Variants in DCPS observed in about 807,000 individuals in gnomAD.
DCPS encodes m7GpppX diphosphatase.
DCPS carries 27 observed loss-of-function variants against 34.7 expected under a neutral mutation model. That is an observed-to-expected ratio of 0.78 (90% CI 0.57 to 1.07). DCPS has a LOEUF of 1.07. Among genes scored for constraint, DCPS ranks in the 50% least tolerant of loss-of-function variants. DCPS has a pLI of 0.00. For synonymous variants in DCPS, 185 were observed against 185.7 expected, an observed-to-expected ratio of 1.00 and a Z score of 0.03; for missense variants, 464 against 436.9, an observed-to-expected ratio of 1.06 and a Z score of -0.55.
intron 2 of DCPS, among the ~76,000 whole-genome samples, chr11:126,321,580 C>T (rs1429935399): frequency 6.6e-6 from 1 of 152,114 alleles, no homozygotes; most frequent in Admixed American, 6.6e-5. Context: ...CACGAAGCTC[C>T]AGGTGACCAC....
At chr11:126,341,522 T>C (rs1951875792) in intron 4 of DCPS, 1 of 152,272 alleles carries the variant, frequency 6.6e-6, no homozygotes, top group Non-Finnish European at 1.5e-5. Flanking sequence ...CCAGGCTCCA[T>C]GCCCTATTCT....
chr11:126,310,591 A>G (rs1951611961), intron 2 of DCPS, among the ~76,000 whole-genome samples: 3 of 152,338 alleles, frequency 2.0e-5, no homozygotes, highest in Non-Finnish European at 4.4e-5. Context: ...GGTGCTTTCA[A>G]TAAGTGAAGA....
In DCPS at chr11:126,344,300, G is replaced by C. The variant is rs190444748; in HGVS notation, c.747+883G>C. On this transcript the variant is annotated intron_variant, in intron 5 of 5. Coordinates refer to ENST00000263579, the MANE Select transcript of DCPS (RefSeq NM_014026.6). This position sits in a 1 kb window ranked among gnomAD's most constrained non-coding sequence, Gnocchi z 8.1. ...CTATCTTCCCTCCTGCTCACCCACG[G>C]CACCACCCCTTGGCTGCCTTTATCT... 2.6e-5 allele frequency among the ~76,000 whole-genome samples: 4 copies of C among 152,282 alleles called. No homozygotes were observed. In the South Asian group the frequency reaches 6.2e-4, roughly 24 times the overall value.
In DCPS at chr11:126,338,384, G is replaced by C; in HGVS notation, c.621G>C (p.Lys207Asn). ...SDGFVLIPDLKWNQQQLDDLY... is the reference protein window; with the variant it reads ...SDGFVLIPDLNWNQQQLDDLY... ...GTTTTGTCCTCATCCCTGACCTCAA[G>C]TGGAACCAACAGCAGGTAAAGGTTT... Residue 207 changes from lysine to asparagine, a missense_variant, in exon 4 of 6, where the codon AAG becomes AAC. Physicochemically the swap from Lys to Asn is moderately conservative, Grantham distance 94 (BLOSUM62 0). Coordinates refer to ENST00000263579, the MANE Select transcript of DCPS (RefSeq NM_014026.6). The surrounding 1 kb of genome is among the most constrained non-coding windows in gnomAD (Gnocchi z 5.4). The C allele has an allele frequency of 6.2e-7, 1 of 1,614,176 alleles. No individual in the cohort carries two copies. The highest frequency in any genetic ancestry group is 8.5e-7 in the Non-Finnish European group (1 of 1,180,028).
chr11:126,310,842 C>G (rs1951613979), intron 2 of DCPS, among the ~76,000 whole-genome samples: 2 of 152,232 alleles, frequency 1.3e-5, no homozygotes, highest in Non-Finnish European at 2.9e-5. Context: ...GCCCTCTGTC[C>G]CCCTGCATGG....
chr11:126,325,798 A>G lies in DCPS; in HGVS notation c.377-5607A>G, dbSNP rs992699255. ...TCCAGGGATAGATTTTTGAGGGTTT[A>G]TGGTTATCCCAGGCTGTGTTTGGAG... On this transcript the variant is annotated intron_variant, in intron 2 of 5. Transcript: ENST00000263579. The surrounding 1 kb of genome is among the most constrained non-coding windows in gnomAD (Gnocchi z 4.3). 9.9e-5 allele frequency among the ~76,000 whole-genome samples: 15 copies of G among 152,164 alleles called. No individual in the cohort carries two copies. Among genetic ancestry groups the G allele is most frequent in the Admixed American group, 2.6e-4 (4 of 15,268 alleles).
chr11:126,316,282 C>T (rs1430282742), intron 2 of DCPS, among the ~76,000 whole-genome samples: 1 of 151,784 alleles, frequency 6.6e-6, no homozygotes, highest in Non-Finnish European at 1.5e-5. Flanking sequence ...TGCGGCCCGA[C>T]ACAAATGTAT....
chr11:126,309,835 C>T (rs546932491), intron 2 of DCPS, among the ~76,000 whole-genome samples: 4 of 152,330 alleles, frequency 2.6e-5, no homozygotes, highest in African/African-American at 9.6e-5. Flanking sequence ...TTGTGAGGCA[C>T]AAATGGTCTC....
Position 126,319,403 on chromosome 11 carries a change from C to T in DCPS, c.377-12002C>T, listed in dbSNP as rs1441783280. ...GCCAGTCTGGAAGCAAGGTCCTCTT[C>T]CGTCCCTTTGTGCTCCCCCCAGAAC... On this transcript the variant is annotated intron_variant, in intron 2 of 5. Coordinates refer to ENST00000263579, the MANE Select transcript of DCPS (RefSeq NM_014026.6). The surrounding 1 kb of genome is among the most constrained non-coding windows in gnomAD (Gnocchi z 4.5). Among the ~76,000 whole-genome samples the T allele has an allele frequency of 6.6e-6, 1 of 152,158 alleles. No individual in the cohort carries two copies. Among genetic ancestry groups the T allele is most frequent in the Non-Finnish European group, 1.5e-5 (1 of 68,038 alleles).
Position 126,328,303 on chromosome 11 carries a change from A to G in DCPS, c.377-3102A>G, listed in dbSNP as rs961291973. ...GTTTGAGGGTGGCAGCTCCCACCTC[A>G]GTGTGGCCCTGACTGAGGCTTTCGG... On this transcript the variant is annotated intron_variant, in intron 2 of 5. Transcript: ENST00000263579. This position sits in a 1 kb window ranked among gnomAD's most constrained non-coding sequence, Gnocchi z 6.6. Among the ~76,000 whole-genome samples the G allele has an allele frequency of 1.5e-4, 23 of 152,028 alleles. No individual in the cohort carries two copies. Among genetic ancestry groups the G allele is most frequent in the East Asian group, 1.2e-3 (6 of 5,176 alleles).
At position 126,344,271 on chromosome 11, in the gene DCPS, C is replaced by T. The variant is rs906027305; in HGVS notation, c.747+854C>T. On this transcript the variant is annotated intron_variant, in intron 5 of 5. Transcript: ENST00000263579. The surrounding 1 kb of genome is among the most constrained non-coding windows in gnomAD (Gnocchi z 8.1). ...CCCAGCTTCCCCTGCTGCTGGGCCCCGATCTATCTTCCCTCCTGCTCACCC... is the reference window on the plus strand; with the variant it reads ...CCCAGCTTCCCCTGCTGCTGGGCCCTGATCTATCTTCCCTCCTGCTCACCC... Among the ~76,000 whole-genome samples, 9 of 152,208 alleles carry T rather than the reference C, an allele frequency of 5.9e-5. No homozygotes were observed. Among genetic ancestry groups the T allele is most frequent in the Admixed American group, 4.6e-4 (7 of 15,286 alleles).
Position 126,320,680 on chromosome 11 carries a change from A to G in DCPS, c.377-10725A>G, listed in dbSNP as rs1032524457. On this transcript the variant is annotated intron_variant, in intron 2 of 5. Transcript: ENST00000263579. The surrounding 1 kb of genome is among the most constrained non-coding windows in gnomAD (Gnocchi z 4.7). ...TAGCCAGGTGTAGTGGTGTGTGCCT[A>G]TAGTTCCAGCTACCTGGGAGGTTGA... Among the ~76,000 whole-genome samples the G allele has an allele frequency of 3.9e-5, 6 of 151,956 alleles. No individual in the cohort carries two copies. The highest frequency in any genetic ancestry group is 2.0e-4 in the Admixed American group (3 of 15,248).
At chr11:126,317,218 C>G (rs1951669794) in intron 2 of DCPS, among the ~76,000 whole-genome samples, 1 of 151,322 alleles carries the variant, frequency 6.6e-6, no homozygotes, top group Admixed American at 6.6e-5. Flanking sequence ...CTCGGCCTCC[C>G]AAAGTGCTGG....
chr11:126,304,425 A>G (rs532169831), intron 1 of DCPS, 144 bp downstream of exon 1: 44 of 886,834 alleles, frequency 5.0e-5, no homozygotes, highest in African/African-American at 3.9e-4. Context: ...ACTAGAATGC[A>G]TAGAGGGGCG....
rs1951825971 is a variant in DCPS at position 126,335,424 on chromosome 11, A to T, written c.523-2862A>T. On this transcript the variant is annotated intron_variant, in intron 3 of 5. Coordinates refer to ENST00000263579, the MANE Select transcript of DCPS (RefSeq NM_014026.6). This position sits in a 1 kb window ranked among gnomAD's most constrained non-coding sequence, Gnocchi z 4.8. ...TTACATAGCTCTCTGTGTTTGTGTG[A>T]ATTTTGTTCTTTCATTCTCCTTTTT... is the stretch of plus-strand genomic sequence containing the variant. Among the ~76,000 whole-genome samples, 1 of 152,126 alleles carries T rather than the reference A, an allele frequency of 6.6e-6. No homozygotes were observed. Among genetic ancestry groups the T allele is most frequent in the African/African-American group, 2.4e-5 (1 of 41,402 alleles).
chr11:126,330,647 G>T (rs1194328809), intron 2 of DCPS, among the ~76,000 whole-genome samples: 1 of 134,154 alleles, frequency 7.5e-6, no homozygotes, highest in Non-Finnish European at 1.5e-5. Flanking sequence ...ACTGCGCTCT[G>T]CTGCACTGCC....
rs1951802303 is a variant in DCPS at position 126,332,673 on chromosome 11, T to C, written c.522+1123T>C. ...AGGAATGAAGTTTCCTTGGGAGACCTGTGTGCCGCCAGCCCCCTTCCCCAG... is the reference window on the plus strand; with the variant it reads ...AGGAATGAAGTTTCCTTGGGAGACCCGTGTGCCGCCAGCCCCCTTCCCCAG... On this transcript the variant is annotated intron_variant, in intron 3 of 5. Transcript: ENST00000263579. This position sits in a 1 kb window ranked among gnomAD's most constrained non-coding sequence, Gnocchi z 5.4. 6.6e-6 allele frequency among the ~76,000 whole-genome samples: 1 copy of C among 152,188 alleles called. No homozygotes were observed. Among genetic ancestry groups the C allele is most frequent in the African/African-American group, 2.4e-5 (1 of 41,454 alleles).
At position 126,327,993 on chromosome 11, in the gene DCPS, C is replaced by T. The variant is rs752584418; in HGVS notation, c.377-3412C>T. ...GGGCTGCTGTTTTACCAGAGCTGAC[C>T]GAGCCTGAGGAGCTGGCCTCAGAGC... On this transcript the variant is annotated intron_variant, in intron 2 of 5. Coordinates refer to ENST00000263579, the MANE Select transcript of DCPS (RefSeq NM_014026.6). The surrounding 1 kb of genome is among the most constrained non-coding windows in gnomAD (Gnocchi z 4.1). Among the ~76,000 whole-genome samples the T allele has an allele frequency of 4.6e-5, 7 of 152,152 alleles. No homozygotes were observed. The highest frequency in any genetic ancestry group is 7.4e-5 in the Non-Finnish European group (5 of 68,024).
intron 2 of DCPS, among the ~76,000 whole-genome samples, chr11:126,314,853 G>A (rs995684550): frequency 2.0e-5 from 3 of 152,062 alleles, no homozygotes; most frequent in Non-Finnish European, 4.4e-5. Context: ...AGTGGTGAGG[G>A]ATAAAAGGTT....
Sources: allele counts gnomAD v4.1 joint callset (sites outside exome capture counted in the v4.1 genomes callset), GRCh38; gene constraint gnomAD v4.1.1; non-coding constraint Gnocchi (gnomAD v3.1); transcripts MANE v1.5; gene names NCBI Gene and HGNC (gene_info 2026-07-23, HGNC 2026-07-21).